DCDC1: variants seen among roughly 807,000 people sequenced by gnomAD.
DCDC1 encodes doublecortin domain containing 1, also known as doublecortin domain-containing protein 1.
In DCDC1, 200 loss-of-function variants were observed where a neutral mutation model predicts 178.3. The ratio of observed to expected loss-of-function variants is 1.12; its 90% CI spans 1.00 to 1.26. The LOEUF (loss-of-function observed/expected upper bound fraction) is 1.26, where lower values mean the gene tolerates loss of function less well. DCDC1 is among the 50% of genes most tolerant of loss of function. The pLI is 0.00. For synonymous variants in DCDC1, 690 were observed against 604.8 expected (o/e 1.14, Z -2.07); for missense variants, 1,983 against 1,749.2 (o/e 1.13, Z -2.38).
At chr11:31,050,758 TAAC>T (rs1955192422) in intron 20 of DCDC1, among the ~76,000 whole-genome samples, 1 of 151,998 alleles carries the variant, frequency 6.6e-6, no homozygotes, top group African/African-American at 2.4e-5. Flanking sequence ...GAGACAACAA[TAAC>T]TGCAGTTCAA....
At chr11:31,255,708 T>C (rs1944376079) in intron 8 of DCDC1, among the ~76,000 whole-genome samples, 1 of 152,342 alleles carries the variant, frequency 6.6e-6, no homozygotes, top group East Asian at 1.9e-4. Flanking sequence ...GAGTTCCTTA[T>C]ATATTCCAGG....
chr11:31,288,066 A>G (rs1409761224), intron 7 of DCDC1, among the ~76,000 whole-genome samples: 9 of 152,006 alleles, frequency 5.9e-5, no homozygotes, highest in Admixed American at 1.3e-4. Flanking sequence ...CATTTTTCAT[A>G]AAAGAAATGC....
At chr11:31,345,830 T>G (rs1197083248) in intron 1 of DCDC1, among the ~76,000 whole-genome samples, 2 of 152,002 alleles carry the variant, frequency 1.3e-5, no homozygotes, top group Non-Finnish European at 2.9e-5. Flanking sequence ...CTAATAAATA[T>G]AGATGGAATA....
chr11:31,180,821 T>C lies in DCDC1; in HGVS notation c.1222-43037A>G, dbSNP rs117789425. On this transcript the variant is annotated intron_variant, in intron 9 of 38. Coordinates refer to ENST00000684477, the MANE Select transcript of DCDC1 (RefSeq NM_001387274.1). ...AGCTGCAGGAGTTTTTTTGTTGTTT[T>C]TTTTTTCATACCCCAGTGGCAATTG... Among the ~76,000 whole-genome samples the C allele has an allele frequency of 2.6e-4, 40 of 152,056 alleles. No homozygotes were observed. In the East Asian group the frequency reaches 6.6e-3, roughly 25 times the overall value.
At chr11:31,358,971 A>T (rs182540822) in intron 1 of DCDC1, among the ~76,000 whole-genome samples, 1 of 152,110 alleles carries the variant, frequency 6.6e-6, no homozygotes, top group Non-Finnish European at 1.5e-5. Flanking sequence ...TAGGAACACT[A>T]TTACACTGTT....
chr11:30,912,235 G>A (rs1277986402), intron 27 of DCDC1, among the ~76,000 whole-genome samples: 1 of 151,880 alleles, frequency 6.6e-6, no homozygotes, highest in African/African-American at 2.4e-5. Flanking sequence ...CTCCAGAACT[G>A]TAAGAAATAA....
chr11:31,240,083 C>T (rs2136881455), intron 9 of DCDC1, among the ~76,000 whole-genome samples: 1 of 151,816 alleles, frequency 6.6e-6, no homozygotes, highest in Admixed American at 6.6e-5. Flanking sequence ...ATTATTTCTT[C>T]TAACATTAAA....
intron 20 of DCDC1, among the ~76,000 whole-genome samples, chr11:30,969,936 C>T (rs1949685219): frequency 6.6e-6 from 1 of 152,046 alleles, no homozygotes; most frequent in Non-Finnish European, 1.5e-5. Flanking sequence ...GCCTCCTTCA[C>T]AAAGAAGAAC....
intron 20 of DCDC1, among the ~76,000 whole-genome samples, chr11:30,972,805 T>C (rs1267590471): frequency 6.6e-6 from 1 of 152,182 alleles, no homozygotes; most frequent in Non-Finnish European, 1.5e-5. Flanking sequence ...GTGGCTGATA[T>C]GGTTTGGATC....
chr11:31,179,316 C>T (rs1968477291), intron 9 of DCDC1, among the ~76,000 whole-genome samples: 1 of 152,118 alleles, frequency 6.6e-6, no homozygotes, highest in South Asian at 2.1e-4. Context: ...TCCAGTGATC[C>T]CATTATTGGA....
At chr11:31,057,339 C>T (rs1054240658) in intron 20 of DCDC1, among the ~76,000 whole-genome samples, 4 of 151,782 alleles carry the variant, frequency 2.6e-5, no homozygotes, top group Non-Finnish European at 5.9e-5. Context: ...GAAATCTCAA[C>T]AAATATCAGA....
At chr11:31,165,993 T>G (rs1254830675) in intron 9 of DCDC1, among the ~76,000 whole-genome samples, 1 of 152,204 alleles carries the variant, frequency 6.6e-6, no homozygotes, top group Non-Finnish European at 1.5e-5. Context: ...TATAGTATGA[T>G]ATAGCAGCCA....
intron 21 of DCDC1, among the ~76,000 whole-genome samples, chr11:30,950,073 A>C (rs1175241906): frequency 6.6e-6 from 1 of 152,232 alleles, no homozygotes; most frequent in Non-Finnish European, 1.5e-5. Flanking sequence ...AAACAGGTAT[A>C]TGCAAAAATG....
chr11:30,943,931 T>G, intron 21 of DCDC1: 1 of 246,610 alleles, frequency 4.1e-6, no homozygotes, highest in Non-Finnish European at 8.1e-6. Flanking sequence ...TAATTCCATA[T>G]TTCTATATTG....
chr11:31,262,214 C>T (rs1207999032), intron 8 of DCDC1, among the ~76,000 whole-genome samples: 2 of 151,324 alleles, frequency 1.3e-5, no homozygotes, highest in Non-Finnish European at 2.9e-5. Flanking sequence ...CTGCAATGAG[C>T]TGTGGTTGCA....
At chr11:31,016,312 G>C (rs1048595022) in intron 20 of DCDC1, among the ~76,000 whole-genome samples, 1 of 152,174 alleles carries the variant, frequency 6.6e-6, no homozygotes, top group African/African-American at 2.4e-5. Flanking sequence ...AGTCCCCTCA[G>C]ATAACATGAT....
At chr11:31,115,935 C>T (rs1433773261) in intron 11 of DCDC1, among the ~76,000 whole-genome samples, 1 of 139,806 alleles carries the variant, frequency 7.2e-6, no homozygotes, top group Non-Finnish European at 1.5e-5. Flanking sequence ...AGAAGCAGCT[C>T]CTTTACACTG....
rs1399606515 is a variant in DCDC1 at position 31,110,302 on chromosome 11, C to T, written c.1545G>A (p.Leu515=). 1 of 713,860 alleles carries T rather than the reference C, an allele frequency of 1.4e-6. No homozygotes were observed. Among genetic ancestry groups the T allele is most frequent in the Non-Finnish European group, 2.6e-6 (1 of 389,002 alleles). The allele number at this position is 713,860 out of a possible 1,614,324, so 44.2% of individuals were successfully genotyped here. ...EISVGISKKD[L]GSDSPIQTDH... ...CAGTTTGAATTGGGCTATCCGATCC[C>T]AAATCTTTTTTACTGATACCAACAG... Residue 515 remains leucine, a synonymous_variant, in exon 12 of 39, where the codon TTG becomes TTA. Transcript: ENST00000684477.
chr11:31,362,765 T>C (rs1489890333), intron 1 of DCDC1, among the ~76,000 whole-genome samples: 1 of 152,182 alleles, frequency 6.6e-6, no homozygotes, highest in African/African-American at 2.4e-5. Context: ...TGGAAATTCA[T>C]CAGAAAACAT....
Sources: allele counts gnomAD v4.1 joint callset (sites outside exome capture counted in the v4.1 genomes callset), GRCh38; gene constraint gnomAD v4.1.1; transcripts MANE v1.5; gene names NCBI Gene and HGNC (gene_info 2026-07-23, HGNC 2026-07-21).